NFIX: variants seen among roughly 807,000 people sequenced by gnomAD.
NFIX encodes the protein nuclear factor I X, also known as nuclear factor 1 X-type.
Under a neutral mutation model 53.3 loss-of-function variants are expected in NFIX, and 2 were observed. That is an observed-to-expected ratio of 0.04 (90% CI 0.02 to 0.12). The LOEUF is 0.12. Among genes scored for constraint, NFIX ranks in the 10% least tolerant of loss-of-function variants. The pLI, the probability that NFIX is intolerant of heterozygous loss-of-function variation, is 1.00. For synonymous variants in NFIX, 244 were observed against 289.0 expected (o/e 0.84, Z 1.58); for missense variants, 310 against 674.5 (o/e 0.46, Z 5.99).
Position 13,078,532 on chromosome 19 carries a change from G to A in NFIX, c.956-81G>A. On this transcript the variant is annotated intron_variant, in intron 6 of 10. Transcript: ENST00000592199. The surrounding 1 kb of genome is among the most constrained non-coding windows in gnomAD (Gnocchi z 4.7). ...TGGGGAGGGGCTGAGGAGAGAAGGA[G>A]CGAGCTGCTGGCTTCCCGCCTTCCC... 1.3e-6 allele frequency: 2 copies of A among 1,493,912 alleles called. No homozygotes were observed. Among genetic ancestry groups the A allele is most frequent in the South Asian group, 2.5e-5 (2 of 78,910 alleles). 92.5% of individuals were successfully genotyped at this position (1,493,912 alleles called of 1,614,324 possible). A position where few individuals can be genotyped will look rare whatever the true frequency, so the allele number is the denominator to read the frequency against.
intron 10 of NFIX, among the ~76,000 whole-genome samples, chr19:13,092,686 C>G (rs979481343): frequency 2.0e-5 from 3 of 152,264 alleles, no homozygotes; most frequent in Non-Finnish European, 2.9e-5. Context: ...TATAGTCTCC[C>G]CTTGGGAAGG....
chr19:13,041,483 C>T (rs1421501615), intron 2 of NFIX, among the ~76,000 whole-genome samples: 1 of 152,036 alleles, frequency 6.6e-6, no homozygotes, highest in Non-Finnish European at 1.5e-5. Context: ...ATAGTATAGA[C>T]ACTTAGGGAT....
chr19:13,043,879 C>CT lies in NFIX; in HGVS notation c.559+18330dup, dbSNP rs1325884764. 6.6e-6 allele frequency among the ~76,000 whole-genome samples: 1 copy of CT among 152,152 alleles called. No homozygotes were observed. Among genetic ancestry groups the CT allele is most frequent in the Non-Finnish European group, 1.5e-5 (1 of 68,032 alleles). On this transcript the variant is annotated intron_variant, in intron 2 of 10. Coordinates refer to ENST00000592199, the MANE Select transcript of NFIX (RefSeq NM_001365902.3). This position sits in a 1 kb window ranked among gnomAD's most constrained non-coding sequence, Gnocchi z 4.0. ...GTGGCTCATACCTGTAATTCTAGCA[C>CT]TTTGGGAGGCCGATGTGGGAGGATC...
chr19:13,008,510 G>A (rs937325428), intron 1 of NFIX, among the ~76,000 whole-genome samples: 2 of 152,170 alleles, frequency 1.3e-5, no homozygotes, highest in African/African-American at 2.4e-5. Context: ...CCATGCTGAC[G>A]TTACTCGCTT....
intron 2 of NFIX, among the ~76,000 whole-genome samples, chr19:13,026,744 C>CTCTGTG (rs545440885): frequency 8.0e-5 from 12 of 149,904 alleles, no homozygotes; most frequent in African/African-American, 2.7e-4. Flanking sequence ...CTCTCTCTCT[C>CTCTGTG]TGTGTGTGTG....
chr19:13,082,188 C>T (rs897356522), intron 8 of NFIX: 4 of 325,342 alleles, frequency 1.2e-5, no homozygotes, highest in Non-Finnish European at 2.3e-5. Flanking sequence ...GACCTCCCAG[C>T]GCTCCTCTTA....
In NFIX at chr19:13,021,401, G is replaced by A. The variant is rs77569445; in HGVS notation, c.28-3620G>A. 6.6e-6 allele frequency among the ~76,000 whole-genome samples: 1 copy of A among 152,080 alleles called. No homozygotes were observed. The highest frequency in any genetic ancestry group is 1.5e-5 in the Non-Finnish European group (1 of 67,986). Reference sequence around the variant, plus strand: ...GGGCAGCCCCTCTCCCATTGTCAGGGTTCAGCGCCAGCCCAGGGCTGGATG... The same window carrying A: ...GGGCAGCCCCTCTCCCATTGTCAGGATTCAGCGCCAGCCCAGGGCTGGATG... On this transcript the variant is annotated intron_variant, in intron 1 of 10. Coordinates refer to ENST00000592199, the MANE Select transcript of NFIX (RefSeq NM_001365902.3). The surrounding 1 kb of genome is among the most constrained non-coding windows in gnomAD (Gnocchi z 4.2).
intron 2 of NFIX, among the ~76,000 whole-genome samples, chr19:13,055,482 G>A (rs1008710388): frequency 1.3e-5 from 2 of 152,196 alleles, no homozygotes; most frequent in Non-Finnish European, 2.9e-5. Context: ...AGGGCCGGCC[G>A]CACTCCCGCC....
rs1453926337 is a variant in NFIX at position 13,088,285 on chromosome 19, C to G, written c.1402+149C>G. ...TGGACAAGAGCAGAGCCGAGCCCCC[C>G]AACCACAGCCTCCCTCCCGGGCCTC... On this transcript the variant is annotated intron_variant, in intron 9 of 10. Transcript: ENST00000592199. The surrounding 1 kb of genome is among the most constrained non-coding windows in gnomAD (Gnocchi z 5.9). 1.1e-5 allele frequency: 11 copies of G among 978,096 alleles called. No homozygotes were observed. Among genetic ancestry groups the G allele is most frequent in the Non-Finnish European group, 1.5e-5 (10 of 680,998 alleles). The allele number at this position is 978,096 out of a possible 1,614,324, so 60.6% of individuals were successfully genotyped here.
intron 6 of NFIX, among the ~76,000 whole-genome samples, chr19:13,077,610 C>T (rs995047386): frequency 1.3e-5 from 2 of 152,070 alleles, no homozygotes; most frequent in African/African-American, 4.8e-5. Flanking sequence ...TAAGATGGCT[C>T]TTTATTTCTC....
chr19:13,025,311 C>T lies in NFIX; in HGVS notation c.318C>T (p.Ser106=). 2 of 1,614,110 alleles carry T rather than the reference C, an allele frequency of 1.2e-6. No individual in the cohort carries two copies. The highest frequency in any genetic ancestry group is 1.7e-6 in the Non-Finnish European group (2 of 1,179,946). ...AGAAGCCCCCCTGCTGCGTGCTCTC[C>T]AACCCCGACCAGAAGGGCAAGATCC... ...TGKKPPCCVL[S]NPDQKGKIRR... is the part of the protein sequence containing the mutation. The change falls in exon 2 of 11, where the codon TCC becomes TCT. Residue 106 remains serine (S), a synonymous_variant. Coordinates refer to ENST00000592199, the MANE Select transcript of NFIX (RefSeq NM_001365902.3). The surrounding 1 kb of genome is among the most constrained non-coding windows in gnomAD (Gnocchi z 7.5).
chr19:13,048,557 T>C (rs2015136256), intron 2 of NFIX, among the ~76,000 whole-genome samples: 1 of 152,108 alleles, frequency 6.6e-6, no homozygotes, highest in Non-Finnish European at 1.5e-5. Context: ...ATAATAAAAT[T>C]CACTATTTTA....
In NFIX at chr19:13,090,524, G is replaced by A; in HGVS notation, c.1494+134G>A. On this transcript the variant is annotated intron_variant, in intron 10 of 10. Coordinates refer to ENST00000592199, the MANE Select transcript of NFIX (RefSeq NM_001365902.3). The surrounding 1 kb of genome is among the most constrained non-coding windows in gnomAD (Gnocchi z 6.6). The stretch of plus-strand genomic sequence containing the variant: ...AGAGAGGTCTGAGGTGGGGCTGGAG[G>A]GCCCAGGCTTTTGCACGCCCAGCTG... 2 of 871,640 alleles carry A rather than the reference G, an allele frequency of 2.3e-6. No individual in the cohort carries two copies. Among genetic ancestry groups the A allele is most frequent in the African/African-American group, 1.7e-5 (1 of 60,384 alleles). The allele number at this position is 871,640 out of a possible 1,614,324, so 54.0% of individuals were successfully genotyped here.
rs1345064216 is a variant in NFIX, at chr19:13,078,238, C to A, written c.956-375C>A. On this transcript the variant is annotated intron_variant, in intron 6 of 10. Coordinates refer to ENST00000592199, the MANE Select transcript of NFIX (RefSeq NM_001365902.3). The surrounding 1 kb of genome is among the most constrained non-coding windows in gnomAD (Gnocchi z 4.7). Reference sequence around the variant, plus strand: ...CCCCTTCCCGGCTCTCAAGCTGGCGCCCTGGGGTTCCTCCTGCACTCCTTT... The same window carrying A: ...CCCCTTCCCGGCTCTCAAGCTGGCGACCTGGGGTTCCTCCTGCACTCCTTT... 6.6e-6 allele frequency among the ~76,000 whole-genome samples: 1 copy of A among 152,232 alleles called. No individual in the cohort carries two copies. The highest frequency in any genetic ancestry group is 1.5e-5 in the Non-Finnish European group (1 of 68,042).
chr19:12,999,487 AACACACACACAC>A (rs111890375), intron 1 of NFIX, among the ~76,000 whole-genome samples: 3 of 149,382 alleles, frequency 2.0e-5, no homozygotes, highest in South Asian at 2.1e-4. Flanking sequence ...TACCTTTTCA[AACACACACACAC>A]ACACACACAC....
At position 13,088,552 on chromosome 19, in the gene NFIX, A is replaced by C. The variant is rs1599876755; in HGVS notation, c.1402+416A>C. ...TTTTTGTTGTTTCGTTGTTCCCCCC[A>C]CACCAAGAAAATCAAATGTAACCAC... On this transcript the variant is annotated intron_variant, in intron 9 of 10. Coordinates refer to ENST00000592199, the MANE Select transcript of NFIX (RefSeq NM_001365902.3). The surrounding 1 kb of genome is among the most constrained non-coding windows in gnomAD (Gnocchi z 5.9). Among the ~76,000 whole-genome samples the C allele has an allele frequency of 7.2e-6, 1 of 138,778 alleles. No individual in the cohort carries two copies. Among genetic ancestry groups the C allele is most frequent in the Admixed American group, 7.5e-5 (1 of 13,418 alleles). The allele number at this position is 138,778 out of a possible 152,430, so 91.0% of individuals were successfully genotyped here.
Position 13,098,686 on chromosome 19 carries a change from C to CA in NFIX, c.*4037_*4038insA, listed in dbSNP as rs1599905120. ...GTTCCCTCTCCGCCCCGCCCCGCCC[C>CA]GCCCCCGTCACTGCGCTTCTGTTAT... On this transcript the variant is annotated 3_prime_UTR_variant, in exon 11 of 11. Transcript: ENST00000592199. The CA allele has an allele frequency of 6.5e-6, 1 of 153,354 alleles. No individual in the cohort carries two copies. The highest frequency in any genetic ancestry group is 1.5e-5 in the Non-Finnish European group (1 of 68,462). 9.5% of individuals were successfully genotyped at this position (153,354 alleles called of 1,614,324 possible).
intron 2 of NFIX, among the ~76,000 whole-genome samples, chr19:13,026,020 A>T (rs2013316075): frequency 6.6e-6 from 1 of 152,130 alleles, no homozygotes; most frequent in Non-Finnish European, 1.5e-5. Context: ...TACAAGCGGG[A>T]TGGGCAGGAG....
At chr19:13,065,990 G>C (rs1372938262) in intron 2 of NFIX, among the ~76,000 whole-genome samples, 7 of 152,150 alleles carry the variant, frequency 4.6e-5, no homozygotes, top group Admixed American at 2.6e-4. Flanking sequence ...TGGCTGGAAG[G>C]CTTCTGGCTA....
Sources: allele counts gnomAD v4.1 joint callset (sites outside exome capture counted in the v4.1 genomes callset), GRCh38; gene constraint gnomAD v4.1.1; non-coding constraint Gnocchi (gnomAD v3.1); transcripts MANE v1.5; gene names NCBI Gene and HGNC (gene_info 2026-07-23, HGNC 2026-07-21).